Variants in GRIA4 observed in about 807,000 individuals in gnomAD.
GRIA4 encodes glutamate ionotropic receptor AMPA type subunit 4.
GRIA4 carries 34 observed loss-of-function variants against 104.0 expected under a neutral mutation model. The ratio of observed to expected loss-of-function variants is 0.33; its 90% CI spans 0.25 to 0.44. The LOEUF (loss-of-function observed/expected upper bound fraction) is 0.44. Ranked by LOEUF, GRIA4 falls within the 20% of genes least tolerant of loss-of-function variation. The probability of loss-of-function intolerance (pLI) is 1.00; values close to 1 mark genes in which losing one functional copy is unlikely to be tolerated. For synonymous variants in GRIA4, 386 were observed against 381.9 expected (o/e 1.01, Z -0.13); for missense variants, 750 against 1,096.5 (o/e 0.68, Z 4.46).
intron 3 of GRIA4, among the ~76,000 whole-genome samples, chr11:105,742,714 G>C (rs1283835218): frequency 2.0e-5 from 3 of 151,672 alleles, no homozygotes; most frequent in African/African-American, 7.3e-5. Context: ...ACATTTTATT[G>C]GTATCTAACA....
At chr11:105,943,961 T>A (rs1001307952) in intron 14 of GRIA4, among the ~76,000 whole-genome samples, 52 of 152,226 alleles carry the variant, frequency 3.4e-4, no homozygotes, top group Admixed American at 2.6e-3. Flanking sequence ...GAATATTTAT[T>A]AAAAACAATG....
At chr11:105,682,043 T>G (rs997835672) in intron 3 of GRIA4, among the ~76,000 whole-genome samples, 7 of 151,050 alleles carry the variant, frequency 4.6e-5, no homozygotes, top group African/African-American at 1.7e-4. Flanking sequence ...CTGTCTAATA[T>G]AATAATAATA....
intron 7 of GRIA4, among the ~76,000 whole-genome samples, chr11:105,899,513 T>C (rs1437784108): frequency 6.6e-6 from 1 of 152,224 alleles, no homozygotes; most frequent in Non-Finnish European, 1.5e-5. Flanking sequence ...TTTGTTCTCT[T>C]TGTTATATAA....
chr11:105,911,910 C>T (rs1947259600), intron 10 of GRIA4: 2 of 1,559,218 alleles, frequency 1.3e-6, no homozygotes, highest in Non-Finnish European at 1.8e-6. Context: ...AGAAATTGAT[C>T]AAGAAAGAAA....
Position 105,910,559 on chromosome 11 carries a change from T to C in GRIA4, c.1269+14T>C. 1 of 1,296,022 alleles carries C rather than the reference T, an allele frequency of 7.7e-7. No individual in the cohort carries two copies. The highest frequency in any genetic ancestry group is 1.1e-6 in the Non-Finnish European group (1 of 889,730). The allele number at this position is 1,296,022 out of a possible 1,614,324, so 80.3% of individuals were successfully genotyped here. On this transcript the variant is annotated intron_variant, in intron 10 of 16. Coordinates refer to ENST00000282499, the MANE Select transcript of GRIA4 (RefSeq NM_000829.4). ...ACCACAATTATGGTAAGTGTTGGTC[T>C]ATGCTTTATGGTGTTCCGTTTTGTC...
intron 3 of GRIA4, among the ~76,000 whole-genome samples, chr11:105,722,090 C>A (rs1439230783): frequency 6.6e-6 from 1 of 152,128 alleles, no homozygotes; most frequent in African/African-American, 2.4e-5. Context: ...TTATATGTAA[C>A]TATGAAATTG....
intron 14 of GRIA4, chr11:105,966,178 C>G (rs752611581): frequency 1.5e-6 from 1 of 669,676 alleles, no homozygotes; most frequent in Non-Finnish European, 2.6e-6. Flanking sequence ...CCAGTCCCTT[C>G]GCAAACTTAC....
At chr11:105,957,471 T>A (rs1336520604) in intron 14 of GRIA4, among the ~76,000 whole-genome samples, 2 of 152,190 alleles carry the variant, frequency 1.3e-5, no homozygotes, top group Non-Finnish European at 2.9e-5. Flanking sequence ...TTGGTCTATA[T>A]CTCCGTTTTG....
chr11:105,947,270 A>G (rs1261385132), intron 14 of GRIA4, among the ~76,000 whole-genome samples: 1 of 152,186 alleles, frequency 6.6e-6, no homozygotes, highest in African/African-American at 2.4e-5. Flanking sequence ...TTTAATGAAA[A>G]GTACAGGATA....
At chr11:105,977,813 A>G (rs1378646718) in intron 16 of GRIA4, among the ~76,000 whole-genome samples, 7 of 152,048 alleles carry the variant, frequency 4.6e-5, no homozygotes, top group Non-Finnish European at 8.8e-5. Context: ...CCAATAACAC[A>G]GTCTCCCCAG....
intron 3 of GRIA4, among the ~76,000 whole-genome samples, chr11:105,752,191 G>A (rs2135691565): frequency 6.6e-6 from 1 of 152,178 alleles, no homozygotes; most frequent in East Asian, 1.9e-4. Context: ...GTAGCAACTG[G>A]GAGCATGGAC....
chr11:105,917,238 A>G (rs1198651822), intron 10 of GRIA4, among the ~76,000 whole-genome samples: 5 of 152,194 alleles, frequency 3.3e-5, no homozygotes, highest in African/African-American at 1.2e-4. Flanking sequence ...AAATTAAAAA[A>G]AGTGGGAGGT....
chr11:105,881,893 A>G (rs2136082681), intron 5 of GRIA4, among the ~76,000 whole-genome samples: 1 of 151,548 alleles, frequency 6.6e-6, no homozygotes, highest in African/African-American at 2.4e-5. Context: ...TTCCCACCCC[A>G]TTTTACATCA....
At chr11:105,947,026 T>C (rs1013444140) in intron 14 of GRIA4, among the ~76,000 whole-genome samples, 7 of 152,216 alleles carry the variant, frequency 4.6e-5, no homozygotes, top group Admixed American at 1.3e-4. Context: ...TTAGAGGTTA[T>C]TGTTTTCTGA....
In GRIA4 at chr11:105,753,020, G is replaced by C; in HGVS notation, c.287G>C (p.Gly96Ala). The change falls in exon 4 of 17, where the codon GGA becomes GCA. Residue 96 changes from glycine (G) to alanine (A), a missense_variant. Gly to Ala is a moderately conservative substitution (Grantham distance 60). This residue lies in a region of GRIA4 where 410 missense variants were observed against 502.7 expected (regional missense o/e 0.82). Coordinates refer to ENST00000282499, the MANE Select transcript of GRIA4 (RefSeq NM_000829.4). ...TCTAGAGGAGTATTTGCCATTTTTG[G>C]ACTCTATGATAAGAGGTCGGTACAT... Reference protein sequence around the residue: ...QYSRGVFAIFGLYDKRSVHTL... With the variant: ...QYSRGVFAIFALYDKRSVHTL... 2 of 1,613,196 alleles carry C rather than the reference G, an allele frequency of 1.2e-6. No homozygotes were observed. Among genetic ancestry groups the C allele is most frequent in the South Asian group, 2.2e-5 (2 of 91,054 alleles).
intron 9 of GRIA4, among the ~76,000 whole-genome samples, chr11:105,906,058 T>C (rs748883587): frequency 6.6e-6 from 1 of 152,166 alleles, no homozygotes; most frequent in South Asian, 2.1e-4. Context: ...CAAGTTAACC[T>C]TATCTAAAAG....
intron 4 of GRIA4, among the ~76,000 whole-genome samples, chr11:105,827,625 A>G (rs1198724035): frequency 6.6e-6 from 1 of 152,030 alleles, no homozygotes; most frequent in Non-Finnish European, 1.5e-5. Context: ...ATCTAAAAAA[A>G]ACTGTCAAAA....
At chr11:105,625,197 T>C (rs1950855417) in intron 3 of GRIA4, among the ~76,000 whole-genome samples, 1 of 152,104 alleles carries the variant, frequency 6.6e-6, no homozygotes, top group Non-Finnish European at 1.5e-5. Flanking sequence ...GTGACTTCCG[T>C]GACAACGAGG....
Position 105,610,960 on chromosome 11 carries a change from A to C in GRIA4, c.-38A>C. On this transcript the variant is annotated 5_prime_UTR_variant, in exon 2 of 17. Coordinates refer to ENST00000282499, the MANE Select transcript of GRIA4 (RefSeq NM_000829.4). ...CAGCCTTTAGGAAGAGTGCGAGAGA[A>C]AGAGAGAGAGCGCGCGCCAGGGAGA... 1.5e-6 allele frequency: 2 copies of C among 1,333,334 alleles called. No individual in the cohort carries two copies. The highest frequency in any genetic ancestry group is 2.2e-6 in the Non-Finnish European group (2 of 926,934). 82.6% of individuals were successfully genotyped at this position (1,333,334 alleles called of 1,614,324 possible).
Sources: gnomAD v4.1 joint callset for allele counts (sites outside exome capture counted in the v4.1 genomes callset) on GRCh38, gnomAD v4.1.1 for gene constraint, gnomAD v4.1.1 regional missense constraint, MANE v1.5 for transcripts, NCBI Gene and HGNC (gene_info 2026-07-23, HGNC 2026-07-21) for gene names.